Variants in LRRC1 observed in about 807,000 individuals in gnomAD.
The protein encoded by LRRC1 is leucine rich repeat containing 1.
Under a neutral mutation model 69.9 loss-of-function variants are expected in LRRC1, and 28 were observed. That is an observed-to-expected ratio of 0.40 (90% confidence interval 0.30 to 0.55). The LOEUF (loss-of-function observed/expected upper bound fraction) is 0.55, where lower values mean the gene tolerates loss of function less well. Among genes scored for constraint, LRRC1 ranks in the 20% least tolerant of loss-of-function variants. LRRC1 has a pLI of 0.47. For missense variants in LRRC1, 498 were observed against 609.0 expected, an observed-to-expected ratio of 0.82 and a Z score of 1.92; for synonymous variants, 236 against 240.2, an observed-to-expected ratio of 0.98 and a Z score of 0.16.
chr6:53,827,429 A>G lies in LRRC1; in HGVS notation c.160-14681A>G, dbSNP rs182357259. ...TGAGGGATGCCTTAGTGTGTATAAT[A>G]TGGTTTATTACTACAGGGGGCTCAT... On this transcript the variant is annotated intron_variant, in intron 1 of 13. Coordinates refer to ENST00000370888, the MANE Select transcript of LRRC1 (RefSeq NM_018214.5). 2.6e-5 allele frequency among the ~76,000 whole-genome samples: 4 copies of G among 152,118 alleles called. No individual in the cohort carries two copies. The East Asian group carries it at 7.7e-4, about 29-fold the overall frequency.
chr6:53,902,790 A>G, intron 9 of LRRC1, 43 bp downstream of exon 9: 1 of 1,215,610 alleles, frequency 8.2e-7, no homozygotes. Context: ...TTACTAGGGT[A>G]GATTCTACTT....
intron 2 of LRRC1, among the ~76,000 whole-genome samples, chr6:53,877,538 A>G (rs1389843338): frequency 6.6e-6 from 1 of 152,160 alleles, no homozygotes; most frequent in Non-Finnish European, 1.5e-5. Context: ...TGCCTTTAAC[A>G]GCACCCAAGT....
At chr6:53,845,800 C>T (rs1765924709) in intron 2 of LRRC1, among the ~76,000 whole-genome samples, 1 of 152,148 alleles carries the variant, frequency 6.6e-6, no homozygotes, top group Non-Finnish European at 1.5e-5. Flanking sequence ...AAGAAGCTCC[C>T]AGGGGATGCC....
chr6:53,901,837 C>T lies in LRRC1; in HGVS notation c.788-792C>T, dbSNP rs184859056. ...AGAATTGGTTCCTTCTCCTATCTTGCCCTGTGGCTGCACCCGAGGCAAGAT... is the reference window on the plus strand; with the variant it reads ...AGAATTGGTTCCTTCTCCTATCTTGTCCTGTGGCTGCACCCGAGGCAAGAT... On this transcript the variant is annotated intron_variant, in intron 8 of 13. Coordinates refer to ENST00000370888, the MANE Select transcript of LRRC1 (RefSeq NM_018214.5). 3.1e-3 allele frequency among the ~76,000 whole-genome samples: 468 copies of T among 152,376 alleles called. 2 individuals are homozygous for T. Among genetic ancestry groups the T allele is most frequent in the Non-Finnish European group, 5.2e-3 (357 of 68,038 alleles).
At position 53,811,026 on chromosome 6, in the gene LRRC1, A is replaced by G. The variant is rs137918778; in HGVS notation, c.159+15611A>G. On this transcript the variant is annotated intron_variant, in intron 1 of 13. Coordinates refer to ENST00000370888, the MANE Select transcript of LRRC1 (RefSeq NM_018214.5). ...ATCAGGGACTTACTTATGTGTTTCT[A>G]CCCCAGGCATTGGGAAATTCAGTGC... Among the ~76,000 whole-genome samples, 329 of 152,246 alleles carry G rather than the reference A, an allele frequency of 2.2e-3. 2 individuals carry two copies. The highest frequency in any genetic ancestry group is 7.6e-3 in the African/African-American group (314 of 41,540).
In LRRC1 at chr6:53,919,486, A is replaced by T. The variant is rs894049787; in HGVS notation, c.1107-12A>T. 1 of 1,497,888 alleles carries T rather than the reference A, an allele frequency of 6.7e-7. No homozygotes were observed. Among genetic ancestry groups the T allele is most frequent in the Non-Finnish European group, 8.9e-7 (1 of 1,129,768 alleles). The allele number at this position is 1,497,888 out of a possible 1,614,324, so 92.8% of individuals were successfully genotyped here. On this transcript the variant is annotated splice_polypyrimidine_tract_variant and intron_variant, in intron 11 of 13. Coordinates refer to ENST00000370888, the MANE Select transcript of LRRC1 (RefSeq NM_018214.5). ...GTGATGTCTCTTTTTTTAAAAAAAA[A>T]AAAAAAAACAGGTTGCTGCATCTAC...
chr6:53,837,401 GC>G (rs1306222678), intron 1 of LRRC1, among the ~76,000 whole-genome samples: 4 of 152,082 alleles, frequency 2.6e-5, no homozygotes, highest in African/African-American at 9.7e-5. Context: ...GACCAAAAAG[GC>G]AGTCTAGGTT....
intron 6 of LRRC1, 25 bp from the exon 7 acceptor site, chr6:53,897,260 G>A (rs376792816): frequency 1.9e-5 from 28 of 1,509,584 alleles, no homozygotes; most frequent in South Asian, 5.8e-5. Context: ...CTTTGTTACC[G>A]TAACTTTTTT....
rs146502285 is a variant in LRRC1, at chr6:53,895,841, A to G, written c.447-657A>G. Among the ~76,000 whole-genome samples, 480 of 152,366 alleles carry G rather than the reference A, an allele frequency of 3.2e-3. 1 individual carries two copies. The highest frequency in any genetic ancestry group is 0.011 in the African/African-American group (463 of 41,594). ...AGAGCCTCATTCTAGGGTTTAATCC[A>G]GAATAAAAGCAACATTATTATAGCT... On this transcript the variant is annotated intron_variant, in intron 4 of 13. Transcript: ENST00000370888.
At chr6:53,895,622 G>C (rs1193747373) in intron 4 of LRRC1, among the ~76,000 whole-genome samples, 1 of 152,206 alleles carries the variant, frequency 6.6e-6, no homozygotes, top group East Asian at 1.9e-4. Flanking sequence ...AGTGCTTGTA[G>C]GGGCAATAGA....
chr6:53,909,290 G>A (rs1768338131), intron 10 of LRRC1, among the ~76,000 whole-genome samples: 1 of 152,196 alleles, frequency 6.6e-6, no homozygotes, highest in African/African-American at 2.4e-5. Context: ...GAGAGGTTAA[G>A]TCACTTGTCC....
At chr6:53,909,382 A>G (rs1264503595) in intron 10 of LRRC1, among the ~76,000 whole-genome samples, 1 of 152,234 alleles carries the variant, frequency 6.6e-6, no homozygotes, top group Admixed American at 6.5e-5. Context: ...TGATACATCC[A>G]TAGAAGGAAA....
At chr6:53,891,956 C>T (rs1411160862) in intron 4 of LRRC1, among the ~76,000 whole-genome samples, 2 of 147,604 alleles carry the variant, frequency 1.4e-5, no homozygotes, top group East Asian at 2.0e-4. Flanking sequence ...CACACCACTG[C>T]ACTCCAGCCT....
At chr6:53,851,723 A>G (rs185431793) in intron 2 of LRRC1, among the ~76,000 whole-genome samples, 2 of 152,338 alleles carry the variant, frequency 1.3e-5, no homozygotes, top group Admixed American at 1.3e-4. Context: ...ACACATGCGC[A>G]CACACACATA....
rs145553457 is a variant in LRRC1 at position 53,828,662 on chromosome 6, T to C, written c.160-13448T>C. Among the ~76,000 whole-genome samples the C allele has an allele frequency of 2.0e-3, 309 of 152,348 alleles. 1 individual carries two copies. The highest frequency in any genetic ancestry group is 7.0e-3 in the African/African-American group (292 of 41,578). ...AACATTTCTTTAAATTTACATGCTA[T>C]GTTTGGATAGTAGCTTGAATACTTG... On this transcript the variant is annotated intron_variant, in intron 1 of 13. Coordinates refer to ENST00000370888, the MANE Select transcript of LRRC1 (RefSeq NM_018214.5).
chr6:53,912,523 T>C (rs551324192), intron 10 of LRRC1, among the ~76,000 whole-genome samples: 1 of 152,332 alleles, frequency 6.6e-6, no homozygotes, highest in South Asian at 2.1e-4. Flanking sequence ...GCTTTCCACA[T>C]GACCAGAGAC....
intron 4 of LRRC1, among the ~76,000 whole-genome samples, chr6:53,890,488 T>A (rs966700417): frequency 6.6e-6 from 1 of 152,098 alleles, no homozygotes; most frequent in Non-Finnish European, 1.5e-5. Flanking sequence ...AACTAAGTGA[T>A]CCATGTGGCC....
At chr6:53,819,683 A>C (rs566029835) in intron 1 of LRRC1, among the ~76,000 whole-genome samples, 1 of 152,042 alleles carries the variant, frequency 6.6e-6, no homozygotes, top group African/African-American at 2.4e-5. Context: ...AACTCACCCT[A>C]CCCTATTCTA....
At chr6:53,892,382 C>T (rs957683755) in intron 4 of LRRC1, among the ~76,000 whole-genome samples, 6 of 152,194 alleles carry the variant, frequency 3.9e-5, no homozygotes, top group African/African-American at 1.4e-4. Context: ...ATGCCTGATT[C>T]TTTCTCGTAT....
Sources: allele counts gnomAD v4.1 joint callset (sites outside exome capture counted in the v4.1 genomes callset), GRCh38; gene constraint gnomAD v4.1.1; transcripts MANE v1.5; gene names NCBI Gene and HGNC (gene_info 2026-07-23, HGNC 2026-07-21).